The following SPAG16 variants were observed in gnomAD, a reference collection of about 807,000 sequenced individuals.
SPAG16 encodes sperm associated antigen 16, also known as sperm-associated antigen 16 protein.
In SPAG16, 86 loss-of-function variants were observed where a neutral mutation model predicts 80.4. The ratio of observed to expected loss-of-function variants is 1.07; its 90% CI spans 0.90 to 1.28. The LOEUF (loss-of-function observed/expected upper bound fraction) is 1.28, where lower values mean the gene tolerates loss of function less well. SPAG16 is among the 50% of genes most tolerant of loss of function. SPAG16 has a pLI of 0.00. For missense variants in SPAG16, 870 were observed against 765.3 expected, an observed-to-expected ratio of 1.14 and a Z score of -1.61; for synonymous variants, 294 against 265.9, an observed-to-expected ratio of 1.11 and a Z score of -1.03.
intron 15 of SPAG16, among the ~76,000 whole-genome samples, chr2:214,324,634 C>T (rs567091518): frequency 1.3e-5 from 2 of 152,142 alleles, no homozygotes; most frequent in African/African-American, 2.4e-5. Context: ...TGCCAACCCA[C>T]GTCTGTGTAG....
At chr2:214,058,594 C>T (rs555956071) in intron 13 of SPAG16, among the ~76,000 whole-genome samples, 53 of 151,922 alleles carry the variant, frequency 3.5e-4, no homozygotes, top group African/African-American at 1.1e-3. Context: ...CACATGCAGA[C>T]GGCAAAATAT....
intron 15 of SPAG16, among the ~76,000 whole-genome samples, chr2:214,312,665 A>G (rs902072982): frequency 2.0e-5 from 3 of 152,064 alleles, no homozygotes; most frequent in African/African-American, 7.2e-5. Flanking sequence ...CACACTAATA[A>G]TCTTTTATCA....
chr2:214,065,897 A>G (rs1035272085), intron 13 of SPAG16, among the ~76,000 whole-genome samples: 1 of 152,078 alleles, frequency 6.6e-6, no homozygotes, highest in Admixed American at 6.6e-5. Context: ...CCTCTCTCCA[A>G]ACTTTGTCAA....
At chr2:214,012,280 A>ATTT (rs1237894126) in intron 12 of SPAG16, among the ~76,000 whole-genome samples, 48 of 46,346 alleles carry the variant, frequency 1.0e-3, no homozygotes, top group South Asian at 4.5e-3. Context: ...ATATATATAT[A>ATTT]TATATATATT....
chr2:213,507,448 A>G (rs1322784291), intron 10 of SPAG16, among the ~76,000 whole-genome samples: 1 of 152,230 alleles, frequency 6.6e-6, no homozygotes, highest in African/African-American at 2.4e-5. Flanking sequence ...AAACAAAAGA[A>G]AACACATCTC....
At position 214,327,357 on chromosome 2, in the gene SPAG16, T is replaced by A. The variant is rs148550039; in HGVS notation, c.1721-82783T>A. Among the ~76,000 whole-genome samples, 9 of 152,334 alleles carry A rather than the reference T, an allele frequency of 5.9e-5. No homozygotes were observed. In the East Asian group the frequency reaches 1.7e-3, roughly 29 times the overall value. On this transcript the variant is annotated intron_variant, in intron 15 of 15. Coordinates refer to ENST00000331683, the MANE Select transcript of SPAG16 (RefSeq NM_024532.5). ...CTCTACCATCCAGGTGCAGTGAGACTTTGGCCAAGTTACTTAACCTCTCTG... is the reference window on the plus strand; with the variant it reads ...CTCTACCATCCAGGTGCAGTGAGACATTGGCCAAGTTACTTAACCTCTCTG...
intron 11 of SPAG16, among the ~76,000 whole-genome samples, chr2:213,863,097 T>A (rs1052745792): frequency 1.3e-5 from 2 of 151,832 alleles, no homozygotes; most frequent in African/African-American, 4.9e-5. Context: ...CTGAGAACAC[T>A]GGGCCCTGTA....
Position 214,176,280 on chromosome 2 carries a change from T to A in SPAG16, c.1720+27014T>A, listed in dbSNP as rs193031805. On this transcript the variant is annotated intron_variant, in intron 15 of 15. Transcript: ENST00000331683. Reference sequence around the variant, plus strand: ...TGTAAAGGAAAGAAACTTCTTTTTTTAAAAAAAAAACAATATTATTGCTAG... The same window carrying A: ...TGTAAAGGAAAGAAACTTCTTTTTTAAAAAAAAAAACAATATTATTGCTAG... Among the ~76,000 whole-genome samples the A allele has an allele frequency of 6.9e-3, 1,030 of 149,790 alleles. 11 individuals are homozygous for A. Among genetic ancestry groups the A allele is most frequent in the East Asian group, 0.022 (112 of 5,080 alleles).
chr2:213,596,967 A>C (rs1438475865), intron 10 of SPAG16, among the ~76,000 whole-genome samples: 1 of 152,178 alleles, frequency 6.6e-6, no homozygotes, highest in African/African-American at 2.4e-5. Context: ...AGGTTACAAA[A>C]GCATTTTGCG....
chr2:214,065,228 C>G (rs1242751444), intron 13 of SPAG16, among the ~76,000 whole-genome samples: 1 of 151,970 alleles, frequency 6.6e-6, no homozygotes, highest in African/African-American at 2.4e-5. Flanking sequence ...CATTATGTCA[C>G]TAATATATTT....
chr2:213,406,002 T>C (rs1039201125), intron 9 of SPAG16, among the ~76,000 whole-genome samples: 2 of 152,160 alleles, frequency 1.3e-5, no homozygotes, highest in African/African-American at 4.8e-5. Flanking sequence ...ATTTGGATAA[T>C]AAGAAGAGGC....
chr2:213,866,635 C>T (rs1253757019), intron 11 of SPAG16, among the ~76,000 whole-genome samples: 1 of 150,636 alleles, frequency 6.6e-6, no homozygotes, highest in African/African-American at 2.5e-5. Context: ...ACCTGGATGC[C>T]ATGAAGCTTA....
At chr2:213,885,000 T>A (rs2076497744) in intron 11 of SPAG16, among the ~76,000 whole-genome samples, 1 of 152,186 alleles carries the variant, frequency 6.6e-6, no homozygotes, top group Admixed American at 6.5e-5. Flanking sequence ...CATTTCCAAC[T>A]GGTTAAGAAT....
intron 12 of SPAG16, among the ~76,000 whole-genome samples, chr2:214,006,203 C>A (rs1446055944): frequency 6.6e-6 from 1 of 152,050 alleles, no homozygotes; most frequent in African/African-American, 2.4e-5. Context: ...ATTTTGTTGA[C>A]CTGCATATTC....
chr2:214,344,381 G>T (rs1314417172), intron 15 of SPAG16, among the ~76,000 whole-genome samples: 2 of 152,090 alleles, frequency 1.3e-5, no homozygotes, highest in Non-Finnish European at 2.9e-5. Context: ...TTTATTTGGG[G>T]TATCAAATTC....
chr2:214,168,641 G>T (rs2056757812), intron 15 of SPAG16, among the ~76,000 whole-genome samples: 1 of 152,114 alleles, frequency 6.6e-6, no homozygotes, highest in African/African-American at 2.4e-5. Flanking sequence ...TTTCCTAACT[G>T]AGGAAGCAAG....
chr2:213,801,738 A>C (rs1305064932), intron 10 of SPAG16, among the ~76,000 whole-genome samples: 1 of 152,204 alleles, frequency 6.6e-6, no homozygotes, highest in Admixed American at 6.5e-5. Context: ...TCTCAAACTC[A>C]TTTACTTATG....
chr2:213,840,879 A>G (rs1008914753), intron 10 of SPAG16, among the ~76,000 whole-genome samples: 1 of 152,182 alleles, frequency 6.6e-6, no homozygotes, highest in Non-Finnish European at 1.5e-5. Flanking sequence ...GTGGAAGAAT[A>G]CTGGAAACTA....
chr2:213,349,694 A>C (rs536673727), intron 6 of SPAG16, among the ~76,000 whole-genome samples: 1 of 152,214 alleles, frequency 6.6e-6, no homozygotes, highest in African/African-American at 2.4e-5. Flanking sequence ...ATATACATAC[A>C]TACAAGGGAA....
Sources: gnomAD v4.1 joint callset for allele counts (sites outside exome capture counted in the v4.1 genomes callset) on GRCh38, gnomAD v4.1.1 for gene constraint, MANE v1.5 for transcripts, NCBI Gene and HGNC (gene_info 2026-07-23, HGNC 2026-07-21) for gene names.